Variants in C4orf50 observed in about 807,000 individuals in gnomAD.
C4orf50 encodes the protein chromosome 4 open reading frame 50.
A neutral mutation model predicts 77.2 loss-of-function variants in C4orf50; 80 were observed. The observed-to-expected ratio is 1.04, with a 90% CI of 0.87 to 1.25. The LOEUF (loss-of-function observed/expected upper bound fraction) is 1.25, where lower values mean the gene tolerates loss of function less well. Among genes scored for constraint, C4orf50 ranks in the 50% most tolerant of loss-of-function variants. The pLI, the probability that C4orf50 is intolerant of heterozygous loss-of-function variation, is 0.00. For missense variants in C4orf50, 1,257 were observed against 1,152.9 expected, an observed-to-expected ratio of 1.09 and a Z score of -1.31; for synonymous variants, 532 against 465.3, an observed-to-expected ratio of 1.14 and a Z score of -1.84.
At chr4:6,004,208 GATGGT>G (rs1722071351) in intron 25 of C4orf50, among the ~76,000 whole-genome samples, 1 of 108,580 alleles carries the variant, frequency 9.2e-6, no homozygotes, top group East Asian at 2.2e-4. Context: ...TGATGGTGAT[GATGGT>G]GATGGTGATG....
chr4:5,964,908 G>A, intron 33 of C4orf50, 116 bp downstream of exon 11: 2 of 804,744 alleles, frequency 2.5e-6, no homozygotes, highest in Non-Finnish European at 1.9e-6. Context: ...TCTATTTCTT[G>A]ACCTGGTGGT....
intron 28 of C4orf50, among the ~76,000 whole-genome samples, chr4:5,985,521 C>A: frequency 6.7e-6 from 1 of 149,140 alleles, no homozygotes; most frequent in African/African-American, 2.5e-5. Flanking sequence ...TTTTGAAATG[C>A]CAAGGGTAAC....
chr4:5,942,845 A>G, intron 7 of C4orf50, among the ~76,000 whole-genome samples: 1 of 152,208 alleles, frequency 6.6e-6, no homozygotes, highest in East Asian at 1.9e-4. Context: ...ATACAGTATG[A>G]TCTCGTTTTT....
intron 23 of C4orf50, among the ~76,000 whole-genome samples, chr4:6,014,282 G>T (rs1448747645): frequency 6.6e-6 from 1 of 152,162 alleles, no homozygotes; most frequent in African/African-American, 2.4e-5. Flanking sequence ...GATTACAGAC[G>T]CGAGCAACCG....
chr4:5,948,101 A>T (rs563724312), intron 7 of C4orf50, among the ~76,000 whole-genome samples: 1 of 152,326 alleles, frequency 6.6e-6, no homozygotes, highest in African/African-American at 2.4e-5. Flanking sequence ...GGGGTTGGGG[A>T]CACTTCTCTC....
chr4:5,945,530 C>T (rs1718444240), intron 7 of C4orf50, among the ~76,000 whole-genome samples: 2 of 152,116 alleles, frequency 1.3e-5, no homozygotes, highest in South Asian at 4.1e-4. Context: ...CACATGGGAT[C>T]TAACAAGCAA....
At chr4:5,974,119 C>T (rs911797704) in intron 30 of C4orf50, among the ~76,000 whole-genome samples, 1 of 152,196 alleles carries the variant, frequency 6.6e-6, no homozygotes, top group Admixed American at 6.5e-5. Flanking sequence ...TTGGGCCCCA[C>T]CACGGACCAG....
intron 7 of C4orf50, among the ~76,000 whole-genome samples, chr4:5,911,978 G>A (rs916856287): frequency 1.3e-5 from 2 of 152,100 alleles, no homozygotes; most frequent in African/African-American, 2.4e-5. Flanking sequence ...CCCCGGAGGC[G>A]GAGGTTGCAG....
intron 7 of C4orf50, chr4:5,904,009 C>A (rs73208701): frequency 0.19 from 28,164 of 152,186 alleles, 2,789 homozygotes; most frequent in Admixed American, 0.23. Context: ...GCTCACCCAG[C>A]ACCGACCACT....
intron 23 of C4orf50, among the ~76,000 whole-genome samples, chr4:6,016,941 C>T (rs920727773): frequency 1.3e-5 from 2 of 152,182 alleles, no homozygotes; most frequent in Non-Finnish European, 2.9e-5. Context: ...ATATGAGTAA[C>T]GTGTCAGAAT....
At chr4:5,999,098 C>T (rs1721718874) in intron 25 of C4orf50, among the ~76,000 whole-genome samples, 1 of 152,200 alleles carries the variant, frequency 6.6e-6, no homozygotes, top group African/African-American at 2.4e-5. Context: ...GCCCCGGCTA[C>T]CTTGCAGAGT....
chr4:6,013,827 C>T (rs374740615), intron 23 of C4orf50, among the ~76,000 whole-genome samples: 15 of 152,272 alleles, frequency 9.9e-5, no homozygotes, highest in African/African-American at 3.1e-4. Context: ...ACCGACAGCT[C>T]GACTAGCTCA....
At chr4:5,954,975 CT>C (rs925061739), downstream of C4orf50, among the ~76,000 whole-genome samples, 2 of 152,128 alleles carry the variant, frequency 1.3e-5, no homozygotes, top group African/African-American at 4.8e-5. This position sits in a 1 kb window ranked among gnomAD's most constrained non-coding sequence, Gnocchi z 4.7. Flanking sequence ...CTGCAGACCT[CT>C]GCTGACCTGC....
At chr4:6,016,076 C>T (rs1367298792) in intron 23 of C4orf50, among the ~76,000 whole-genome samples, 1 of 152,176 alleles carries the variant, frequency 6.6e-6, no homozygotes, top group Non-Finnish European at 1.5e-5. Flanking sequence ...AAATAATCAT[C>T]TTACTTGTGT....
At position 6,011,561 on chromosome 4, in the gene C4orf50, A is replaced by C. The variant is rs1486514712; in HGVS notation, c.426+269T>G. Reference sequence around the variant, plus strand: ...CTCCGGACCCCAGGAGCCCTGCATCAGCCAACTCCTGTCCTCAGTCTGTGG... The same window carrying C: ...CTCCGGACCCCAGGAGCCCTGCATCCGCCAACTCCTGTCCTCAGTCTGTGG... On this transcript the variant is annotated intron_variant, in intron 24 of 33. Transcript: ENST00000531445. This position sits in a 1 kb window ranked among gnomAD's most constrained non-coding sequence, Gnocchi z 4.2. Among the ~76,000 whole-genome samples, 7 of 152,044 alleles carry C rather than the reference A, an allele frequency of 4.6e-5. No homozygotes were observed. Among genetic ancestry groups the C allele is most frequent in the Admixed American group, 2.6e-4 (4 of 15,272 alleles).
intron 7 of C4orf50, among the ~76,000 whole-genome samples, chr4:5,940,165 T>TGTCCCTCACAGAA (rs1169414404): frequency 6.6e-6 from 1 of 152,218 alleles, no homozygotes; most frequent in East Asian, 1.9e-4. Flanking sequence ...TGGAAGTGTC[T>TGTCCCTCACAGAA]GTTTCTGGCT....
chr4:5,997,289 A>G (rs973173520), intron 25 of C4orf50, among the ~76,000 whole-genome samples: 3 of 152,202 alleles, frequency 2.0e-5, no homozygotes, highest in Non-Finnish European at 4.4e-5. Context: ...AGCATCTACT[A>G]TGTGGCAGGC....
At chr4:6,014,004 T>TG (rs376193133) in intron 23 of C4orf50, among the ~76,000 whole-genome samples, 9,148 of 139,222 alleles carry the variant, frequency 0.066, 292 homozygotes, top group African/African-American at 0.073. Context: ...TTAAGTTGTG[T>TG]GTTTTTTTTT....
chr4:6,003,711 TGTGATGGTGATGATG>T (rs1721960220), intron 25 of C4orf50, among the ~76,000 whole-genome samples: 2 of 89,656 alleles, frequency 2.2e-5, no homozygotes, highest in Non-Finnish European at 4.4e-5. Context: ...ATGGTGATGA[TGTGATGGTGATGATG>T]GTGATGGTGA....
Sources: gnomAD v4.1 joint callset for allele counts (sites outside exome capture counted in the v4.1 genomes callset) on GRCh38, gnomAD v4.1.1 for gene constraint, Gnocchi (gnomAD v3.1) non-coding constraint, MANE v1.5 for transcripts, NCBI Gene and HGNC (gene_info 2026-07-23, HGNC 2026-07-21) for gene names.